The following DCC variants were observed in gnomAD, a reference collection of about 807,000 sequenced individuals.
DCC encodes the protein DCC netrin 1 receptor.
Under a neutral mutation model 172.5 loss-of-function variants are expected in DCC, and 58 were observed. The observed-to-expected ratio is 0.34, with a 90% CI of 0.27 to 0.42. DCC has a LOEUF of 0.42. Among genes scored for constraint, DCC ranks in the 10% least tolerant of loss-of-function variants. DCC has a pLI of 1.00. For synonymous variants in DCC, 709 were observed against 644.5 expected, an observed-to-expected ratio of 1.10 and a Z score of -1.52; for missense variants, 1,740 against 1,791.0, an observed-to-expected ratio of 0.97 and a Z score of 0.51.
chr18:52,814,439 C>A (rs1456612985), intron 2 of DCC, among the ~76,000 whole-genome samples: 1 of 152,170 alleles, frequency 6.6e-6, no homozygotes, highest in Non-Finnish European at 1.5e-5. Context: ...AACTCTGACA[C>A]CTCCTCTTTC....
intron 1 of DCC, among the ~76,000 whole-genome samples, chr18:52,431,587 G>A (rs980146302): frequency 1.3e-5 from 2 of 152,132 alleles, no homozygotes; most frequent in Admixed American, 1.3e-4. Flanking sequence ...TAAATAATAT[G>A]TTGTGCTTTT....
chr18:53,228,595 C>G (rs1480733172), intron 12 of DCC, among the ~76,000 whole-genome samples: 1 of 151,988 alleles, frequency 6.6e-6, no homozygotes, highest in Non-Finnish European at 1.5e-5. Flanking sequence ...ACTTCTCTAC[C>G]TATGATAAAG....
chr18:52,879,856 T>A (rs2039457803), intron 2 of DCC, among the ~76,000 whole-genome samples: 1 of 152,202 alleles, frequency 6.6e-6, no homozygotes, highest in African/African-American at 2.4e-5. Context: ...AAATTTCATA[T>A]ATGCTTCACA....
chr18:53,121,474 C>T (rs2043482818), intron 7 of DCC, among the ~76,000 whole-genome samples: 1 of 151,836 alleles, frequency 6.6e-6, no homozygotes, highest in Non-Finnish European at 1.5e-5. Flanking sequence ...GGTCAGACAA[C>T]CTCTATCTCA....
chr18:52,969,035 C>T lies in DCC; in HGVS notation c.985+43665C>T, dbSNP rs138629030. Among the ~76,000 whole-genome samples, 33 of 152,240 alleles carry T rather than the reference C, an allele frequency of 2.2e-4. No individual in the cohort carries two copies. The East Asian group carries it at 6.4e-3, about 29-fold the overall frequency. On this transcript the variant is annotated intron_variant, in intron 5 of 28. Transcript: ENST00000442544. ...ACAACAACAAAAAAAAACGGTTCTC[C>T]TGGTCTCACTTTTCTTCTTCCTCTA...
At chr18:52,724,384 A>G (rs2036520852) in intron 1 of DCC, among the ~76,000 whole-genome samples, 1 of 152,110 alleles carries the variant, frequency 6.6e-6, no homozygotes, top group Non-Finnish European at 1.5e-5. Context: ...CCTGGGCTCA[A>G]GTGATCCTCC....
intron 21 of DCC, among the ~76,000 whole-genome samples, chr18:53,430,525 A>T (rs1277695882): frequency 6.6e-6 from 1 of 152,100 alleles, no homozygotes; most frequent in Non-Finnish European, 1.5e-5. Context: ...AGTGCTGAAA[A>T]TTTTTTATCG....
chr18:52,988,087 A>G (rs1046439269), intron 5 of DCC, among the ~76,000 whole-genome samples: 6 of 152,298 alleles, frequency 3.9e-5, no homozygotes, highest in South Asian at 2.1e-4. Context: ...TTTATACAGC[A>G]CCTCATTCCA....
intron 5 of DCC, among the ~76,000 whole-genome samples, chr18:52,983,775 C>A (rs990128831): frequency 3.9e-5 from 6 of 152,094 alleles, no homozygotes; most frequent in African/African-American, 1.4e-4. Context: ...AGATGGGCTG[C>A]AGAAATTTAC....
chr18:53,325,075 C>T (rs1776011294), intron 14 of DCC, among the ~76,000 whole-genome samples: 1 of 151,740 alleles, frequency 6.6e-6, no homozygotes, highest in African/African-American at 2.4e-5. Flanking sequence ...TACCTGTAAT[C>T]CCTGCTACTC....
intron 8 of DCC, 103 bp downstream of exon 8, chr18:53,157,615 G>A: frequency 1.6e-6 from 2 of 1,217,732 alleles, no homozygotes; most frequent in South Asian, 1.3e-5. Flanking sequence ...CTTTGGAGAG[G>A]CTGTGAAATC....
chr18:52,892,603 G>A (rs1243291866), intron 2 of DCC: 1 of 152,122 alleles, frequency 6.6e-6, no homozygotes, highest in African/African-American at 2.4e-5. Context: ...TGATTCTGGT[G>A]AGTTTGAGAC....
At chr18:53,234,560 C>T (rs2056173917) in intron 12 of DCC, among the ~76,000 whole-genome samples, 1 of 152,164 alleles carries the variant, frequency 6.6e-6, no homozygotes, top group Admixed American at 6.5e-5. Context: ...TGTGAAAACC[C>T]TCACTCTCTT....
At chr18:53,436,681 T>A (rs1032537747) in intron 22 of DCC, among the ~76,000 whole-genome samples, 2 of 152,198 alleles carry the variant, frequency 1.3e-5, no homozygotes, top group Non-Finnish European at 2.9e-5. Flanking sequence ...TGGCAATACC[T>A]TCCTCTGTTA....
At chr18:52,431,388 C>T (rs1484863024) in intron 1 of DCC, among the ~76,000 whole-genome samples, 1 of 151,896 alleles carries the variant, frequency 6.6e-6, no homozygotes, top group Non-Finnish European at 1.5e-5. Flanking sequence ...ATGAACATTC[C>T]TTGGGGGTGT....
chr18:52,358,588 G>A (rs1335851535), intron 1 of DCC, among the ~76,000 whole-genome samples: 1 of 152,144 alleles, frequency 6.6e-6, no homozygotes, highest in Non-Finnish European at 1.5e-5. Context: ...CTCTACTGGT[G>A]TTCTATTAGC....
intron 1 of DCC, among the ~76,000 whole-genome samples, chr18:52,582,719 C>T (rs1050596347): frequency 2.6e-5 from 4 of 152,172 alleles, no homozygotes; most frequent in African/African-American, 9.7e-5. Flanking sequence ...AGGGGGCAGC[C>T]TTTCGTGTAA....
chr18:52,409,811 C>T (rs1052131418), intron 1 of DCC, among the ~76,000 whole-genome samples: 3 of 152,102 alleles, frequency 2.0e-5, no homozygotes, highest in Admixed American at 6.6e-5. Context: ...AGGAGATTGT[C>T]AGGTAGGAAG....
At chr18:53,118,889 T>C (rs886395897) in intron 7 of DCC, among the ~76,000 whole-genome samples, 1 of 151,792 alleles carries the variant, frequency 6.6e-6, no homozygotes, top group Non-Finnish European at 1.5e-5. Context: ...TAAGGTAGAA[T>C]GCTACTTTAA....
Sources: allele counts gnomAD v4.1 joint callset (sites outside exome capture counted in the v4.1 genomes callset), GRCh38; gene constraint gnomAD v4.1.1; transcripts MANE v1.5; gene names NCBI Gene and HGNC (gene_info 2026-07-23, HGNC 2026-07-21).